Variants in ARHGEF18 observed in about 807,000 individuals in gnomAD.
ARHGEF18 encodes Rho/Rac guanine nucleotide exchange factor 18.
Under a neutral mutation model 155.7 loss-of-function variants are expected in ARHGEF18, and 93 were observed. The ratio of observed to expected loss-of-function variants is 0.60; its 90% confidence interval spans 0.50 to 0.71. The LOEUF is 0.71. Ranked by LOEUF, ARHGEF18 falls within the 30% of genes least tolerant of loss-of-function variation. The pLI is 0.00. For missense variants in ARHGEF18, 1,593 were observed against 1,816.1 expected, an observed-to-expected ratio of 0.88 and a Z score of 2.23; for synonymous variants, 742 against 753.1, an observed-to-expected ratio of 0.99 and a Z score of 0.24.
chr19:7,458,479 G>C (rs776958150), intron 18 of ARHGEF18, 33 bp from the exon 19 acceptor site: 3 of 1,600,904 alleles, frequency 1.9e-6, no homozygotes, highest in Non-Finnish European at 1.7e-6. Flanking sequence ...GTGGGGTAAA[G>C]GGTGACCTCC....
chr19:7,369,928 G>A (rs1970122333), intron 2 of ARHGEF18, among the ~76,000 whole-genome samples: 1 of 152,028 alleles, frequency 6.6e-6, no homozygotes, highest in Non-Finnish European at 1.5e-5. Context: ...TGGGCGCAGC[G>A]GCTCACGCTT....
downstream of ARHGEF18, chr19:7,477,466 C>CA (rs749841364): frequency 1.1e-4 from 153 of 1,387,954 alleles, 2 homozygotes; most frequent in Middle Eastern, 4.2e-4. Context: ...CGCTTACACT[C>CA]ACGCTCACAC....
At chr19:7,385,880 CT>C (rs1971017789) in intron 10 of ARHGEF18, among the ~76,000 whole-genome samples, 1 of 68,178 alleles carries the variant, frequency 1.5e-5, no homozygotes, top group African/African-American at 1.1e-4. Flanking sequence ...TCCCCCCTCC[CT>C]CTCTCCCTCC....
intron 10 of ARHGEF18, among the ~76,000 whole-genome samples, chr19:7,427,749 C>T (rs970609355): frequency 6.6e-6 from 1 of 151,782 alleles, no homozygotes; most frequent in African/African-American, 2.4e-5. Context: ...AATTCAACAC[C>T]AGCCTGAGAA....
intron 10 of ARHGEF18, among the ~76,000 whole-genome samples, chr19:7,396,571 C>A (rs1274403868): frequency 6.6e-6 from 1 of 151,930 alleles, no homozygotes; most frequent in East Asian, 1.9e-4. Flanking sequence ...AAAAATTAGC[C>A]GGGCATGGTA....
In ARHGEF18 at chr19:7,464,542, C is replaced by T; in HGVS notation, c.2774-18C>T. On this transcript the variant is annotated intron_variant, in intron 22 of 28. Coordinates refer to ENST00000668164, the MANE Select transcript of ARHGEF18 (RefSeq NM_001367823.1). ...ACGGGATGGCAGCATCCTCATGCCC[C>T]TGGCTTGGGGTTCTCAGATGGCAGT... 1 of 1,602,800 alleles carries T rather than the reference C, an allele frequency of 6.2e-7. No individual in the cohort carries two copies. Among genetic ancestry groups the T allele is most frequent in the Non-Finnish European group, 8.5e-7 (1 of 1,172,012 alleles).
chr19:7,398,550 G>A (rs1971851379), intron 10 of ARHGEF18, among the ~76,000 whole-genome samples: 1 of 151,870 alleles, frequency 6.6e-6, no homozygotes, highest in African/African-American at 2.4e-5. Flanking sequence ...AATTAGCTGG[G>A]CGTGGTGGCC....
intron 10 of ARHGEF18, among the ~76,000 whole-genome samples, chr19:7,384,692 A>T (rs1281169186): frequency 2.8e-5 from 4 of 141,540 alleles, no homozygotes; most frequent in Non-Finnish European, 3.1e-5. Context: ...TTTTTGCAAA[A>T]TTTTTTTTTT....
At chr19:7,430,627 A>G (rs563334319) in intron 10 of ARHGEF18, among the ~76,000 whole-genome samples, 2 of 150,944 alleles carry the variant, frequency 1.3e-5, no homozygotes, top group East Asian at 4.0e-4. Context: ...ACATAGGGAG[A>G]CCCTATCTCT....
intron 7 of ARHGEF18, among the ~76,000 whole-genome samples, chr19:7,380,440 C>T (rs1970677292): frequency 6.6e-6 from 1 of 151,080 alleles, no homozygotes; most frequent in Admixed American, 6.6e-5. Context: ...GATCGCACCA[C>T]CACACTCCAG....
intron 10 of ARHGEF18, among the ~76,000 whole-genome samples, chr19:7,393,047 C>CAAAAAAAAAAAAA (rs60015151): frequency 8.8e-5 from 5 of 56,660 alleles, no homozygotes; most frequent in Non-Finnish European, 1.7e-4. Flanking sequence ...GATCCTGTCT[C>CAAAAAAAAAAAAA]AAAAAAAAAA....
the ARHGEF18 span, chr19:7,478,488 G>A: frequency 2.1e-5 from 24 of 1,138,990 alleles, no homozygotes; most frequent in African/African-American, 2.1e-4. Context: ...TCGGATAAAC[G>A]GCCTGCCCTC....
rs1600401953 is a variant in ARHGEF18, at chr19:7,427,656, A to G, written c.968-12688A>G. 2.7e-5 allele frequency among the ~76,000 whole-genome samples: 4 copies of G among 149,084 alleles called. No individual in the cohort carries two copies. The South Asian group carries it at 8.5e-4, about 32-fold the overall frequency. On this transcript the variant is annotated intron_variant, in intron 10 of 28. Transcript: ENST00000668164. ...GGAGACCCTGTCTCTAAAAAAAAAA[A>G]AAAAGAAGGCCGGGCGCAGTGGCTC...
intron 10 of ARHGEF18, among the ~76,000 whole-genome samples, chr19:7,407,356 G>A (rs1444267940): frequency 1.3e-5 from 2 of 151,728 alleles, no homozygotes; most frequent in Non-Finnish European, 2.9e-5. Flanking sequence ...AACCCAAGAG[G>A]TGGGGGTTGA....
At chr19:7,403,553 C>CTTTTT (rs746180410) in intron 10 of ARHGEF18, among the ~76,000 whole-genome samples, 12 of 122,946 alleles carry the variant, frequency 9.8e-5, no homozygotes, top group African/African-American at 4.9e-4. Flanking sequence ...TTCTTTCTTT[C>CTTTTT]TTTTTTTTTT....
intron 10 of ARHGEF18, among the ~76,000 whole-genome samples, chr19:7,401,132 G>C (rs1376141186): frequency 1.3e-5 from 2 of 152,204 alleles, no homozygotes; most frequent in Non-Finnish European, 2.9e-5. Flanking sequence ...TGACGGACCA[G>C]GTAGAATGTA....
At chr19:7,458,297 TAAAAAAAAAAAA>T (rs35712455) in intron 18 of ARHGEF18, among the ~76,000 whole-genome samples, 5 of 92,326 alleles carry the variant, frequency 5.4e-5, no homozygotes, top group Non-Finnish European at 1.0e-4. Context: ...CAAGATAGTT[TAAAAAAAAAAAA>T]AAAAAAAAAA....
rs937067004 is a variant in ARHGEF18 at position 7,364,780 on chromosome 19, G to A, written c.15+1875G>A. On this transcript the variant is annotated intron_variant, in intron 2 of 28. Transcript: ENST00000668164. The stretch of plus-strand genomic sequence containing the variant: ...ATCTAGGAGGTGCATCCTTAAGAGG[G>A]TAGGGGCCAGGGAGAGGTCTCGTAA... 3.3e-5 allele frequency among the ~76,000 whole-genome samples: 5 copies of A among 152,266 alleles called. No homozygotes were observed. In the South Asian group the frequency reaches 1.0e-3, roughly 32 times the overall value.
At chr19:7,458,072 A>C (rs1975957859) in intron 18 of ARHGEF18, among the ~76,000 whole-genome samples, 1 of 152,020 alleles carries the variant, frequency 6.6e-6, no homozygotes. Context: ...GGATCACTTG[A>C]GCCTAGGACT....
Sources: gnomAD v4.1 joint callset for allele counts (sites outside exome capture counted in the v4.1 genomes callset) on GRCh38, gnomAD v4.1.1 for gene constraint, MANE v1.5 for transcripts, NCBI Gene and HGNC (gene_info 2026-07-23, HGNC 2026-07-21) for gene names.